The following DCAF6 variants were observed in gnomAD, a reference collection of about 807,000 sequenced individuals.
DCAF6 encodes the protein DDB1 and CUL4 associated factor 6.
A neutral mutation model predicts 125.1 loss-of-function variants in DCAF6; 54 were observed. The observed-to-expected ratio is 0.43, with a 90% CI of 0.35 to 0.54. The LOEUF (loss-of-function observed/expected upper bound fraction) is 0.54, where lower values mean the gene tolerates loss of function less well. DCAF6 is among the 20% of genes least tolerant of loss of function. DCAF6 has a pLI of 0.01. For missense variants in DCAF6, 934 were observed against 1,161.7 expected (o/e 0.80, Z 2.85); for synonymous variants, 371 against 390.4 (o/e 0.95, Z 0.58).
At chr1:167,923,487 A>C in the DCAF6 span, among the ~76,000 whole-genome samples, 7 of 152,306 alleles carry the variant, frequency 4.6e-5, no homozygotes, top group Admixed American at 2.0e-4. Context: ...TGAGGTACTT[A>C]GAGTAGTGAA....
chr1:167,937,076 G>T (rs1163237732), intron 1 of DCAF6, 68 bp downstream of exon 1: 4 of 1,380,962 alleles, frequency 2.9e-6, no homozygotes, highest in East Asian at 4.8e-5. Flanking sequence ...GCACGCTGCC[G>T]GGTCTGTTGG....
chr1:167,940,290 G>T (rs568590977), intron 1 of DCAF6, among the ~76,000 whole-genome samples: 227 of 152,304 alleles, frequency 1.5e-3, no homozygotes, highest in Non-Finnish European at 2.9e-3. Context: ...TGTTGTTTTA[G>T]ACTAGCATGG....
chr1:167,992,426 T>C (rs574082110), intron 6 of DCAF6, among the ~76,000 whole-genome samples: 4 of 152,352 alleles, frequency 2.6e-5, no homozygotes, highest in Admixed American at 6.5e-5. Context: ...TTTTCGGAAC[T>C]GTGATAGCTT....
chr1:167,937,590 G>A (rs1295210726), intron 1 of DCAF6, among the ~76,000 whole-genome samples: 1 of 152,100 alleles, frequency 6.6e-6, no homozygotes, highest in Non-Finnish European at 1.5e-5. Flanking sequence ...CTGCTCTTCA[G>A]TTCGTTTTGA....
intron 16 of DCAF6, among the ~76,000 whole-genome samples, chr1:168,046,516 CT>C (rs543491077): frequency 6.6e-6 from 1 of 152,038 alleles, no homozygotes; most frequent in Non-Finnish European, 1.5e-5. Flanking sequence ...TGCCATGGCA[CT>C]TTTTTTGTAG....
chr1:167,993,092 A>C, intron 6 of DCAF6, 134 bp from the exon 7 acceptor site: 1 of 790,636 alleles, frequency 1.3e-6, no homozygotes, highest in Non-Finnish European at 1.9e-6. Flanking sequence ...AAGAACCTCT[A>C]CTGGAAATAA....
chr1:167,880,594 A>G, the DCAF6 span: 6 of 1,613,576 alleles, frequency 3.7e-6, no homozygotes, highest in East Asian at 1.3e-4. Context: ...CCAAAGACAC[A>G]GAGGAAAGAG....
chr1:167,963,575 G>A (rs540905288), intron 2 of DCAF6, among the ~76,000 whole-genome samples: 1 of 147,642 alleles, frequency 6.8e-6, no homozygotes, highest in Admixed American at 6.7e-5. Flanking sequence ...TGAGTAGCTG[G>A]GATGCCACCA....
At chr1:167,993,719 A>T (rs1264259186) in intron 7 of DCAF6, among the ~76,000 whole-genome samples, 1 of 152,120 alleles carries the variant, frequency 6.6e-6, no homozygotes, top group Non-Finnish European at 1.5e-5. Context: ...ATCGCACTCC[A>T]GCCTGGGCAA....
chr1:167,881,937 G>A, the DCAF6 span, among the ~76,000 whole-genome samples: 22 of 152,280 alleles, frequency 1.4e-4, no homozygotes, highest in South Asian at 4.1e-4. Flanking sequence ...GAGTTAGTTC[G>A]TCTCATATAG....
At chr1:167,936,274 G>A (rs764962389), upstream of DCAF6, 12 of 208,184 alleles carry the variant, frequency 5.8e-5, no homozygotes, top group Non-Finnish European at 1.1e-4. Flanking sequence ...TTGGAGAAGG[G>A]AAAGTGAAGC....
chr1:167,912,727 T>C, the DCAF6 span, among the ~76,000 whole-genome samples: 345 of 152,296 alleles, frequency 2.3e-3, 2 homozygotes, highest in African/African-American at 8.1e-3. Flanking sequence ...TCACTCCACA[T>C]GTGTCTGTGT....
intron 11 of DCAF6, among the ~76,000 whole-genome samples, chr1:168,022,758 G>A (rs1685824555): frequency 1.3e-5 from 2 of 152,176 alleles, no homozygotes; most frequent in Admixed American, 1.3e-4. Context: ...TGTATGCATG[G>A]AAATAGAAGA....
the DCAF6 span, among the ~76,000 whole-genome samples, chr1:167,910,021 C>T: frequency 1.3e-5 from 2 of 152,268 alleles, no homozygotes; most frequent in South Asian, 2.1e-4. Context: ...GACCCTTTCA[C>T]GTGGAACCCC....
chr1:167,869,247 C>T, the DCAF6 span, among the ~76,000 whole-genome samples: 1 of 152,170 alleles, frequency 6.6e-6, no homozygotes, highest in Non-Finnish European at 1.5e-5. Context: ...TGCTCCCTTG[C>T]TTGCTGCCTG....
intron 12 of DCAF6, among the ~76,000 whole-genome samples, chr1:168,031,760 G>C (rs945076116): frequency 2.0e-5 from 3 of 152,068 alleles, no homozygotes; most frequent in Non-Finnish European, 4.4e-5. Context: ...AGAAATACTG[G>C]AAAAGGATTT....
chr1:167,947,989 T>G (rs1673328705), intron 1 of DCAF6, among the ~76,000 whole-genome samples: 1 of 152,212 alleles, frequency 6.6e-6, no homozygotes, highest in Non-Finnish European at 1.5e-5. Flanking sequence ...CACTATTGTG[T>G]TGCAGTGTAT....
intron 7 of DCAF6, among the ~76,000 whole-genome samples, chr1:167,997,259 A>T (rs576022563): frequency 4.6e-5 from 7 of 152,216 alleles, no homozygotes; most frequent in Non-Finnish European, 7.3e-5. Context: ...TTCTTTGGCT[A>T]TGTAATATAA....
chr1:167,980,924 T>C (rs1679023876), intron 4 of DCAF6, among the ~76,000 whole-genome samples: 1 of 149,208 alleles, frequency 6.7e-6, no homozygotes, highest in Middle Eastern at 3.4e-3. Flanking sequence ...TTCTTTTTTT[T>C]TTTTTTTTTT....
Sources: allele counts gnomAD v4.1 joint callset (sites outside exome capture counted in the v4.1 genomes callset), GRCh38; gene constraint gnomAD v4.1.1; transcripts MANE v1.5; gene names NCBI Gene and HGNC (gene_info 2026-07-23, HGNC 2026-07-21).